TCEA3: variants seen among roughly 807,000 people sequenced by gnomAD.
The protein encoded by TCEA3 is transcription elongation factor A protein 3.
Under a neutral mutation model 44.0 loss-of-function variants are expected in TCEA3, and 36 were observed. That is an observed-to-expected ratio of 0.82 (90% confidence interval 0.63 to 1.08). The LOEUF (loss-of-function observed/expected upper bound fraction) is 1.08, where lower values mean the gene tolerates loss of function less well. Ranked by LOEUF, TCEA3 falls within the 50% of genes least tolerant of loss-of-function variation. TCEA3 has a pLI of 0.00. For missense variants in TCEA3, 392 were observed against 441.2 expected (o/e 0.89, Z 1.00); for synonymous variants, 162 against 159.7 (o/e 1.01, Z -0.11).
chr1:23,404,115 T>C (rs1321827244), intron 5 of TCEA3: 1 of 702,354 alleles, frequency 1.4e-6, no homozygotes. Flanking sequence ...GCTGCTTCTG[T>C]GCGCCACCTC....
chr1:23,408,713 C>T lies in TCEA3; in HGVS notation c.394G>A (p.Asp132Asn), dbSNP rs368363957. ...GAGGAGGAGGCAGAAGACTTGGAGT[C>T]CACAGAGTCTCTCCTGAAAGAAGAA... ...EDPKTRRDSV[D>N]SKSSASSSPK... is the part of the protein sequence containing the mutation. The change falls in exon 5 of 11, where the codon GAC (aspartate) becomes AAC (asparagine). Residue 132 changes from aspartate to asparagine, a missense_variant. Coordinates refer to ENST00000450454, the MANE Select transcript of TCEA3 (RefSeq NM_003196.3). 10 of 1,609,612 alleles carry T rather than the reference C, an allele frequency of 6.2e-6. No individual in the cohort carries two copies. Among genetic ancestry groups the T allele is most frequent in the Non-Finnish European group, 8.5e-6 (10 of 1,178,138 alleles).
intron 8 of TCEA3, among the ~76,000 whole-genome samples, chr1:23,392,167 C>G (rs1383784836): frequency 6.6e-6 from 1 of 152,166 alleles, no homozygotes; most frequent in African/African-American, 2.4e-5. Context: ...AGCCAAGGCT[C>G]TTTGCTGTTT....
At chr1:23,383,872 T>C in intron 10 of TCEA3, 3 of 991,348 alleles carry the variant, frequency 3.0e-6, no homozygotes, top group Non-Finnish European at 3.6e-6. Context: ...CTTTCAGAGC[T>C]TCCTTAGGAG....
chr1:23,417,108 C>T, intron 4 of TCEA3, 141 bp downstream of exon 4: 1 of 1,052,570 alleles, frequency 9.5e-7, no homozygotes, highest in Non-Finnish European at 1.4e-6. Context: ...CAAAGAAGAC[C>T]CCCAGAGGGG....
At chr1:23,403,921 C>G in intron 5 of TCEA3, 1 of 558,560 alleles carries the variant, frequency 1.8e-6, no homozygotes, top group Non-Finnish European at 3.2e-6. Context: ...CAGCCACACT[C>G]ATTTTGCTTT....
In TCEA3 at chr1:23,409,750, T is replaced by C. The variant is rs1639659153; in HGVS notation, c.381-1024A>G. Among the ~76,000 whole-genome samples the C allele has an allele frequency of 3.3e-5, 5 of 152,094 alleles. No individual in the cohort carries two copies. The South Asian group carries it at 6.2e-4, about 19-fold the overall frequency. ...TCTTAGTAGAGAGGGGGTTTCACCA[T>C]GTTGGCCAGGCTGGTCTCAAACTCC... On this transcript the variant is annotated intron_variant, in intron 4 of 10. Coordinates refer to ENST00000450454, the MANE Select transcript of TCEA3 (RefSeq NM_003196.3).
At chr1:23,422,506 G>A (rs963660037) in intron 1 of TCEA3, among the ~76,000 whole-genome samples, 3 of 152,150 alleles carry the variant, frequency 2.0e-5, no homozygotes, top group African/African-American at 4.8e-5. Context: ...GAGCTGCAAC[G>A]TGGAGGATCC....
At chr1:23,402,710 TA>T (rs1208093081) in intron 5 of TCEA3, among the ~76,000 whole-genome samples, 1 of 152,230 alleles carries the variant, frequency 6.6e-6, no homozygotes, top group South Asian at 2.1e-4. Flanking sequence ...TATGTGTTTA[TA>T]AACATCGTCT....
chr1:23,395,697 G>A (rs754905680), intron 7 of TCEA3, among the ~76,000 whole-genome samples: 7 of 151,908 alleles, frequency 4.6e-5, no homozygotes, highest in Non-Finnish European at 1.0e-4. Context: ...GTGTGGTGGC[G>A]GGCACCTGTA....
chr1:23,382,896 G>GA (rs34260444), intron 10 of TCEA3, among the ~76,000 whole-genome samples: 19,947 of 152,176 alleles, frequency 0.13, 1,889 homozygotes, highest in Non-Finnish European at 0.2. Flanking sequence ...GTGAAAAAAG[G>GA]AAAAAATACA....
At chr1:23,406,064 G>T (rs1049328457) in intron 5 of TCEA3, among the ~76,000 whole-genome samples, 2 of 152,052 alleles carry the variant, frequency 1.3e-5, no homozygotes, top group Non-Finnish European at 2.9e-5. Flanking sequence ...AGATCCACTG[G>T]TCTAGAACCA....
rs1286573698 is a variant in TCEA3 at position 23,397,871 on chromosome 1, G to A, written c.528C>T (p.Leu176=). The change falls in exon 6 of 11, where the codon CTC becomes CTT. Residue 176 remains leucine, a synonymous_variant. Coordinates refer to ENST00000450454, the MANE Select transcript of TCEA3 (RefSeq NM_003196.3). ...CCCCTGTGAGATAGCAGGGGGCCAG[G>A]AGACACATGGAAGAGGCAAACGTGG... ...LTPTFASSMC[L]LAPCYLTGDS... The A allele has an allele frequency of 1.9e-6, 3 of 1,613,832 alleles. No homozygotes were observed. Among genetic ancestry groups the A allele is most frequent in the African/African-American group, 1.3e-5 (1 of 74,936 alleles).
At chr1:23,409,247 C>T (rs1322474892) in intron 4 of TCEA3, among the ~76,000 whole-genome samples, 2 of 152,060 alleles carry the variant, frequency 1.3e-5, no homozygotes, top group African/African-American at 2.4e-5. Flanking sequence ...AAATTAGATG[C>T]GGACTGTGCC....
rs1639920268 is a variant in TCEA3 at position 23,417,290 on chromosome 1, G to A, written c.339C>T (p.Gly113=). ...LECSDWKPEA[G]LSPPRKKRED... ...CTCGTTTTTTCCTTGGTGGAGAAAG[G>A]CCTGCTTCTGGCTTCCAGTCTGAAC... The change falls in exon 4 of 11, where the codon GGC becomes GGT. Residue 113 remains glycine (G), a synonymous_variant. Transcript: ENST00000450454. The A allele has an allele frequency of 1.2e-6, 2 of 1,614,036 alleles. No individual in the cohort carries two copies. Among genetic ancestry groups the A allele is most frequent in the Non-Finnish European group, 8.5e-7 (1 of 1,179,890 alleles).
Position 23,387,140 on chromosome 1 carries a change from A to T in TCEA3, c.966+133T>A, listed in dbSNP as rs1638869209. Reference sequence around the variant, plus strand: ...AGTGCTGTGATTACAGACATGAGCCACCGCACCCGGCAAAGCCTAGAGAGT... The same window carrying T: ...AGTGCTGTGATTACAGACATGAGCCTCCGCACCCGGCAAAGCCTAGAGAGT... On this transcript the variant is annotated intron_variant, in intron 9 of 10. Coordinates refer to ENST00000450454, the MANE Select transcript of TCEA3 (RefSeq NM_003196.3). 3 of 1,218,000 alleles carry T rather than the reference A, an allele frequency of 2.5e-6. No homozygotes were observed. In the East Asian group the frequency reaches 7.8e-5, roughly 32 times the overall value. 75.4% of individuals were successfully genotyped at this position (1,218,000 alleles called of 1,614,324 possible). A position where few individuals can be genotyped will look rare whatever the true frequency, so the allele number is the denominator to read the frequency against.
At chr1:23,382,427 C>G (rs930672545) in intron 10 of TCEA3, among the ~76,000 whole-genome samples, 4 of 152,120 alleles carry the variant, frequency 2.6e-5, no homozygotes, top group South Asian at 2.1e-4. Context: ...GATGACATAC[C>G]CAAAATAGTA....
intron 5 of TCEA3, among the ~76,000 whole-genome samples, chr1:23,407,460 C>G (rs1018043595): frequency 3.9e-5 from 6 of 152,110 alleles, no homozygotes; most frequent in Non-Finnish European, 7.4e-5. Context: ...CTCCCCTTCG[C>G]TTAAACTGCT....
At chr1:23,412,940 G>T (rs1639776808) in intron 4 of TCEA3, among the ~76,000 whole-genome samples, 1 of 152,054 alleles carries the variant, frequency 6.6e-6, no homozygotes, top group African/African-American at 2.4e-5. Context: ...AGCTGAAATA[G>T]GACCCCCGAC....
intron 9 of TCEA3, among the ~76,000 whole-genome samples, chr1:23,386,961 C>T (rs973696448): frequency 1.3e-5 from 2 of 152,150 alleles, no homozygotes; most frequent in Non-Finnish European, 2.9e-5. Context: ...ACCTCGTGAT[C>T]CGCCCGTCTT....
Sources: allele counts gnomAD v4.1 joint callset (sites outside exome capture counted in the v4.1 genomes callset), GRCh38; gene constraint gnomAD v4.1.1; transcripts MANE v1.5; gene names NCBI Gene and HGNC (gene_info 2026-07-23, HGNC 2026-07-21).